CDK19: variants seen among roughly 807,000 people sequenced by gnomAD.
The protein encoded by CDK19 is cyclin dependent kinase 19.
In CDK19, 20 loss-of-function variants were observed where a neutral mutation model predicts 68.3. That is an observed-to-expected ratio of 0.29 (90% CI 0.21 to 0.43). CDK19 has a LOEUF of 0.43. Among genes scored for constraint, CDK19 ranks in the 20% least tolerant of loss-of-function variants. The probability of loss-of-function intolerance (pLI) is 1.00; values close to 1 mark genes in which losing one functional copy is unlikely to be tolerated. For synonymous variants in CDK19, 221 were observed against 222.8 expected, an observed-to-expected ratio of 0.99 and a Z score of 0.07; for missense variants, 339 against 623.5, an observed-to-expected ratio of 0.54 and a Z score of 4.86.
At chr6:110,763,059 C>T (rs770867307) in intron 1 of CDK19, among the ~76,000 whole-genome samples, 3 of 152,154 alleles carry the variant, frequency 2.0e-5, no homozygotes, top group East Asian at 3.8e-4. Context: ...GGAACTACAA[C>T]GCTTGCAACA....
At chr6:110,805,434 ATCT>A (rs1336788809) in intron 1 of CDK19, among the ~76,000 whole-genome samples, 3 of 152,166 alleles carry the variant, frequency 2.0e-5, no homozygotes, top group Admixed American at 2.0e-4. Context: ...TTGCTTTAAA[ATCT>A]TCTATATTGT....
intron 4 of CDK19, among the ~76,000 whole-genome samples, chr6:110,643,594 A>G (rs1780344205): frequency 6.6e-6 from 1 of 152,184 alleles, no homozygotes; most frequent in Non-Finnish European, 1.5e-5. Context: ...TGATAAGCAT[A>G]AACAACAACA....
rs538333734 is a variant in CDK19, at chr6:110,622,375, A to C, written c.1032-209T>G. 3.9e-5 allele frequency among the ~76,000 whole-genome samples: 6 copies of C among 152,316 alleles called. No individual in the cohort carries two copies. The East Asian group carries it at 1.2e-3, about 29-fold the overall frequency. Reference sequence around the variant, plus strand: ...ACTTCATTAGCGCCAAAAATAACTTAATTTGTATTTGCCTTAACAAGAAAA... The same window carrying C: ...ACTTCATTAGCGCCAAAAATAACTTCATTTGTATTTGCCTTAACAAGAAAA... On this transcript the variant is annotated intron_variant, in intron 10 of 12. Coordinates refer to ENST00000368911, the MANE Select transcript of CDK19 (RefSeq NM_015076.5).
chr6:110,814,813 G>C (rs922467424), intron 1 of CDK19, 196 bp downstream of exon 1: 4 of 728,428 alleles, frequency 5.5e-6, no homozygotes, highest in Non-Finnish European at 9.4e-6. Flanking sequence ...GCGGGAGTTC[G>C]AGGTACGCGA....
At chr6:110,640,941 A>T (rs1477326626) in intron 4 of CDK19, among the ~76,000 whole-genome samples, 1 of 152,186 alleles carries the variant, frequency 6.6e-6, no homozygotes, top group Non-Finnish European at 1.5e-5. Flanking sequence ...TGGGCAACAG[A>T]GTGAGACCCC....
At chr6:110,623,042 T>A (rs1424518888) in intron 9 of CDK19, 130 bp from the exon 10 acceptor site, 1 of 696,476 alleles carries the variant, frequency 1.4e-6, no homozygotes, top group Non-Finnish European at 2.6e-6. Flanking sequence ...AGATTATGCA[T>A]ACTACATACT....
At chr6:110,786,041 T>G (rs948141127) in intron 1 of CDK19, among the ~76,000 whole-genome samples, 1 of 152,196 alleles carries the variant, frequency 6.6e-6, no homozygotes, top group South Asian at 2.1e-4. Context: ...CTGACTTTTT[T>G]GCTTTTTCAT....
intron 4 of CDK19, among the ~76,000 whole-genome samples, chr6:110,658,157 T>C (rs1781418059): frequency 6.6e-6 from 1 of 152,162 alleles, no homozygotes; most frequent in South Asian, 2.1e-4. Flanking sequence ...GACAGGAGCA[T>C]GGATGGCATC....
intron 4 of CDK19, among the ~76,000 whole-genome samples, chr6:110,648,538 C>CTTTTTTTTTT (rs60624969): frequency 2.5e-5 from 3 of 120,218 alleles, no homozygotes; most frequent in African/African-American, 9.4e-5. Flanking sequence ...TTTTTCTTTT[C>CTTTTTTTTTT]TTTTTTTTTT....
intron 2 of CDK19, among the ~76,000 whole-genome samples, chr6:110,698,463 C>T (rs758723278): frequency 3.3e-5 from 5 of 152,092 alleles, no homozygotes; most frequent in African/African-American, 4.8e-5. Flanking sequence ...TGAGATACCA[C>T]CTTACTTCTG....
At chr6:110,740,796 T>C (rs1777600105) in intron 2 of CDK19, among the ~76,000 whole-genome samples, 1 of 152,176 alleles carries the variant, frequency 6.6e-6, no homozygotes, top group Non-Finnish European at 1.5e-5. Flanking sequence ...AGAAGGAAGA[T>C]GACAGAGAAC....
intron 5 of CDK19, among the ~76,000 whole-genome samples, chr6:110,635,146 G>A (rs933927662): frequency 6.6e-6 from 1 of 152,124 alleles, no homozygotes; most frequent in Non-Finnish European, 1.5e-5. Flanking sequence ...CAAATGAAAA[G>A]CAGCAACAAA....
intron 8 of CDK19, among the ~76,000 whole-genome samples, chr6:110,625,810 G>C (rs1779054379): frequency 6.6e-6 from 1 of 152,072 alleles, no homozygotes; most frequent in Non-Finnish European, 1.5e-5. Flanking sequence ...GAGAAAAAGG[G>C]GTTAGAAATG....
At chr6:110,618,856 T>C (rs575635199) in intron 12 of CDK19, among the ~76,000 whole-genome samples, 52 of 152,194 alleles carry the variant, frequency 3.4e-4, no homozygotes, top group Non-Finnish European at 6.8e-4. Flanking sequence ...TGCAACAACA[T>C]GTTTTCATAC....
intron 4 of CDK19, among the ~76,000 whole-genome samples, chr6:110,647,766 T>A (rs1012670036): frequency 6.6e-6 from 1 of 152,166 alleles, no homozygotes; most frequent in Non-Finnish European, 1.5e-5. Flanking sequence ...CAGAAAAAGA[T>A]TAAATGCTCC....
intron 1 of CDK19, among the ~76,000 whole-genome samples, chr6:110,806,254 C>G (rs554916869): frequency 1.3e-5 from 2 of 149,228 alleles, no homozygotes; most frequent in African/African-American, 4.9e-5. Flanking sequence ...GCAGGAGAAT[C>G]GCTTAAACCC....
chr6:110,638,991 G>GA (rs1779957485), intron 4 of CDK19, among the ~76,000 whole-genome samples: 3 of 152,054 alleles, frequency 2.0e-5, no homozygotes, highest in African/African-American at 7.2e-5. Flanking sequence ...TCATCCCGCA[G>GA]AAAAAACTAA....
chr6:110,717,696 G>T (rs1775514173), intron 2 of CDK19, among the ~76,000 whole-genome samples: 1 of 152,030 alleles, frequency 6.6e-6, no homozygotes. Context: ...TAGTGCCTTT[G>T]TTTTTTTGTT....
intron 2 of CDK19, among the ~76,000 whole-genome samples, chr6:110,688,020 G>GT (rs1405881846): frequency 6.6e-6 from 1 of 152,096 alleles, no homozygotes; most frequent in East Asian, 1.9e-4. Context: ...GTTCTCCAGT[G>GT]TAAGTTCTGG....
Sources: gnomAD v4.1 joint callset for allele counts (sites outside exome capture counted in the v4.1 genomes callset) on GRCh38, gnomAD v4.1.1 for gene constraint, MANE v1.5 for transcripts, NCBI Gene and HGNC (gene_info 2026-07-23, HGNC 2026-07-21) for gene names.